The following WASF2 variants were observed in gnomAD, a reference collection of about 807,000 sequenced individuals.
The protein encoded by WASF2 is WASP family member 2, also known as actin-binding protein WASF2.
A neutral mutation model predicts 45.0 loss-of-function variants in WASF2; 14 were observed. The observed-to-expected ratio is 0.31, with a 90% confidence interval of 0.21 to 0.49. The LOEUF (loss-of-function observed/expected upper bound fraction) is 0.49. Among genes scored for constraint, WASF2 ranks in the 20% least tolerant of loss-of-function variants. The pLI is 0.99. For missense variants in WASF2, 439 were observed against 636.1 expected (o/e 0.69, Z 3.33); for synonymous variants, 200 against 236.3 (o/e 0.85, Z 1.41).
Position 27,414,234 on chromosome 1 carries a change from G to A in WASF2, c.668+599C>T, listed in dbSNP as rs564202252. On this transcript the variant is annotated intron_variant, in intron 6 of 8. Transcript: ENST00000618852. The surrounding 1 kb of genome is among the most constrained non-coding windows in gnomAD (Gnocchi z 4.1). Reference sequence around the variant, plus strand: ...ATCTTTTTCCCCCTTTAAACCTCCAGTGTGATTTGGTATTGGGAAATGGGG... The same window carrying A: ...ATCTTTTTCCCCCTTTAAACCTCCAATGTGATTTGGTATTGGGAAATGGGG... 6.6e-6 allele frequency among the ~76,000 whole-genome samples: 1 copy of A among 152,262 alleles called. No homozygotes were observed. Among genetic ancestry groups the A allele is most frequent in the African/African-American group, 2.4e-5 (1 of 41,556 alleles).
chr1:27,410,963 C>T lies in WASF2; in HGVS notation c.825-757G>A, dbSNP rs1212278221. On this transcript the variant is annotated intron_variant, in intron 7 of 8. Transcript: ENST00000618852. This position sits in a 1 kb window ranked among gnomAD's most constrained non-coding sequence, Gnocchi z 4.2. The stretch of plus-strand genomic sequence containing the variant: ...TGAAGCTGAAGGTTTTCTTTTTCCA[C>T]CTTTGTATCTACCCTGCACTAACAG... Among the ~76,000 whole-genome samples, 4 of 152,192 alleles carry T rather than the reference C, an allele frequency of 2.6e-5. No individual in the cohort carries two copies. The highest frequency in any genetic ancestry group is 9.7e-5 in the African/African-American group (4 of 41,436).
At position 27,404,276 on chromosome 1, in the gene WASF2, T is replaced by C. The variant is rs141392468; in HGVS notation, c.*3913A>G. On this transcript the variant is annotated 3_prime_UTR_variant, in exon 9 of 9. Coordinates refer to ENST00000618852, the MANE Select transcript of WASF2 (RefSeq NM_006990.5). ...TCAAATTATTTTAAATGTTGGCATT[T>C]AAGTATTCATGTGTATACAGTTACA... 14 of 152,342 alleles carry C rather than the reference T, an allele frequency of 9.2e-5. No individual in the cohort carries two copies. Among genetic ancestry groups the C allele is most frequent in the African/African-American group, 3.1e-4 (13 of 41,572 alleles). The allele number at this position is 152,342 out of a possible 1,614,324, so 9.4% of individuals were successfully genotyped here.
intron 2 of WASF2, among the ~76,000 whole-genome samples, chr1:27,425,749 G>A (rs1352261611): frequency 6.9e-6 from 1 of 144,116 alleles, no homozygotes; most frequent in Non-Finnish European, 1.5e-5. Flanking sequence ...TGAGGCAGGA[G>A]AATGGCGTGA....
At chr1:27,471,908 T>C (rs1207549416) in intron 1 of WASF2, among the ~76,000 whole-genome samples, 1 of 152,220 alleles carries the variant, frequency 6.6e-6, no homozygotes, top group Non-Finnish European at 1.5e-5. Context: ...TCCATCTCTT[T>C]AGCGACCTAC....
chr1:27,416,188 A>G, intron 4 of WASF2, 86 bp from the exon 5 acceptor site: 1 of 1,117,990 alleles, frequency 8.9e-7, no homozygotes. Context: ...ACCAGTTAGC[A>G]GTTTTTACAC....
At chr1:27,465,784 G>A (rs2017604981) in intron 1 of WASF2, among the ~76,000 whole-genome samples, 1 of 152,166 alleles carries the variant, frequency 6.6e-6, no homozygotes, top group Admixed American at 6.6e-5. Context: ...AGCTAATAAT[G>A]TGGTCTCTAA....
At chr1:27,484,699 C>G (rs931418749) in intron 1 of WASF2, among the ~76,000 whole-genome samples, 5 of 151,560 alleles carry the variant, frequency 3.3e-5, no homozygotes, top group Non-Finnish European at 4.4e-5. Context: ...GTAGTCCCAG[C>G]TACTCGGGAG....
Position 27,405,075 on chromosome 1 carries a change from A to C in WASF2, c.*3114T>G, listed in dbSNP as rs1259601241. 6.5e-6 allele frequency: 1 copy of C among 152,848 alleles called. No homozygotes were observed. Among genetic ancestry groups the C allele is most frequent in the Non-Finnish European group, 1.5e-5 (1 of 68,242 alleles). 9.5% of individuals were successfully genotyped at this position (152,848 alleles called of 1,614,324 possible). A position where few individuals can be genotyped will look rare whatever the true frequency, so the allele number is the denominator to read the frequency against. On this transcript the variant is annotated 3_prime_UTR_variant, in exon 9 of 9. Transcript: ENST00000618852. ...TTAAGCAGGGTCACCAAAGCCACAGAGACCTCAATCTGTCCAAGCTGGCAC... is the reference window on the plus strand; with the variant it reads ...TTAAGCAGGGTCACCAAAGCCACAGCGACCTCAATCTGTCCAAGCTGGCAC...
rs1557593880 is a variant in WASF2 at position 27,408,364 on chromosome 1, G to C, written c.1340-18C>G. ...CTGAAAACCTAGTGGCAAAGAGACA[G>C]AAGGGTGAGGAAGGCGTGTCCTCAG... is the stretch of plus-strand genomic sequence containing the variant. On this transcript the variant is annotated intron_variant, in intron 8 of 8. Coordinates refer to ENST00000618852, the MANE Select transcript of WASF2 (RefSeq NM_006990.5). 2 of 1,614,110 alleles carry C rather than the reference G, an allele frequency of 1.2e-6. No individual in the cohort carries two copies. Among genetic ancestry groups the C allele is most frequent in the Non-Finnish European group, 1.7e-6 (2 of 1,179,968 alleles).
intron 1 of WASF2, among the ~76,000 whole-genome samples, chr1:27,483,067 T>A (rs1413871928): frequency 6.6e-6 from 1 of 152,130 alleles, no homozygotes; most frequent in Non-Finnish European, 1.5e-5. Flanking sequence ...AGTATTAGTA[T>A]CTCACGCCTG....
intron 1 of WASF2, among the ~76,000 whole-genome samples, chr1:27,467,207 C>A (rs1460706002): frequency 7.5e-6 from 1 of 133,460 alleles, no homozygotes; most frequent in East Asian, 2.2e-4. Context: ...CAGAGTGAGA[C>A]CTTGTCTCAA....
rs754609840 is a variant in WASF2, at chr1:27,408,354, C to T, written c.1340-8G>A. ...CCCTGCGCAGCTGAAAACCTAGTGG[C>T]AAAGAGACAGAAGGGTGAGGAAGGC... On this transcript the variant is annotated splice_region_variant and splice_polypyrimidine_tract_variant and intron_variant, in intron 8 of 8. Transcript: ENST00000618852. The T allele has an allele frequency of 4.3e-6, 7 of 1,614,102 alleles. No homozygotes were observed. In the Admixed American group the frequency reaches 1.0e-4, roughly 23 times the overall value.
chr1:27,474,546 C>T (rs191981870), intron 1 of WASF2, among the ~76,000 whole-genome samples: 24 of 151,012 alleles, frequency 1.6e-4, no homozygotes, highest in African/African-American at 4.9e-4. Flanking sequence ...CTGAGGTGGG[C>T]GGATCACGAG....
chr1:27,469,816 C>T (rs912986699), intron 1 of WASF2, among the ~76,000 whole-genome samples: 3 of 152,006 alleles, frequency 2.0e-5, no homozygotes, highest in South Asian at 4.2e-4. Flanking sequence ...GTGGTGTGCA[C>T]CTGTAGTCCC....
chr1:27,424,425 G>A (rs115987122), intron 2 of WASF2, among the ~76,000 whole-genome samples: 1 of 152,290 alleles, frequency 6.6e-6, no homozygotes, highest in African/African-American at 2.4e-5. Context: ...AAATATATAG[G>A]CGTGAATTAT....
At position 27,437,420 on chromosome 1, in the gene WASF2, T is replaced by C. The variant is rs1050417235; in HGVS notation, c.-43-8487A>G. ...CCTCTAGTCCAGCTGTAAACTACACTAAAAAATGCTTGAAAGATGCTATAT... is the reference window on the plus strand; with the variant it reads ...CCTCTAGTCCAGCTGTAAACTACACCAAAAAATGCTTGAAAGATGCTATAT... On this transcript the variant is annotated intron_variant, in intron 1 of 8. Transcript: ENST00000618852. 3.9e-5 allele frequency among the ~76,000 whole-genome samples: 6 copies of C among 152,280 alleles called. No individual in the cohort carries two copies. In the South Asian group the frequency reaches 8.3e-4, roughly 21 times the overall value.
At chr1:27,426,674 C>T (rs374331705) in intron 2 of WASF2, among the ~76,000 whole-genome samples, 4 of 151,994 alleles carry the variant, frequency 2.6e-5, no homozygotes, top group Non-Finnish European at 5.9e-5. Context: ...ACATACCTGG[C>T]TAATTTTTGT....
intron 1 of WASF2, among the ~76,000 whole-genome samples, chr1:27,481,260 C>T (rs967666704): frequency 1.1e-4 from 17 of 151,316 alleles, no homozygotes; most frequent in East Asian, 1.9e-4. Flanking sequence ...GCCGAGATCA[C>T]GCCACTGCAC....
intron 1 of WASF2, among the ~76,000 whole-genome samples, chr1:27,478,829 C>T (rs1289464842): frequency 6.6e-6 from 1 of 152,050 alleles, no homozygotes. Flanking sequence ...GGTGATCCAC[C>T]CGCCTCGACC....
Sources: gnomAD v4.1 joint callset for allele counts (sites outside exome capture counted in the v4.1 genomes callset) on GRCh38, gnomAD v4.1.1 for gene constraint, Gnocchi (gnomAD v3.1) non-coding constraint, MANE v1.5 for transcripts, NCBI Gene and HGNC (gene_info 2026-07-23, HGNC 2026-07-21) for gene names.